WDR25: variants seen among roughly 807,000 people sequenced by gnomAD.
WDR25 encodes the protein WD repeat domain 25, also known as WD repeat-containing protein 25.
A neutral mutation model predicts 47.7 loss-of-function variants in WDR25; 35 were observed. That is an observed-to-expected ratio of 0.73 (90% CI 0.56 to 0.97). WDR25 has a LOEUF of 0.97. WDR25 is among the 50% of genes least tolerant of loss of function. The pLI is 0.00. For synonymous variants in WDR25, 248 were observed against 278.9 expected (o/e 0.89, Z 1.10); for missense variants, 634 against 704.7 (o/e 0.90, Z 1.14).
At chr14:100,391,756 T>C (rs892303790) in intron 2 of WDR25, among the ~76,000 whole-genome samples, 13 of 152,232 alleles carry the variant, frequency 8.5e-5, no homozygotes, top group African/African-American at 3.1e-4. Context: ...TGCTGTAATT[T>C]ATTGCTTTGG....
At chr14:100,400,209 T>C (rs1897344416) in intron 2 of WDR25, among the ~76,000 whole-genome samples, 2 of 152,264 alleles carry the variant, frequency 1.3e-5, no homozygotes, top group African/African-American at 4.8e-5. Flanking sequence ...ATGTGTGTCC[T>C]GTACCGCAGT....
rs114002287 is a variant in WDR25, at chr14:100,418,703, A to G, written c.822+36957A>G. ...GTGCAGCCTGCCAGTCTCAGCCACA[A>G]CGGTCAGGGTCTATGCTAAGGTGAG... On this transcript the variant is annotated intron_variant, in intron 2 of 6. Transcript: ENST00000402312. Among the ~76,000 whole-genome samples, 960 of 151,646 alleles carry G rather than the reference A, an allele frequency of 6.3e-3. 12 individuals are homozygous for G. Among genetic ancestry groups the G allele is most frequent in the African/African-American group, 0.022 (913 of 41,376 alleles).
At chr14:100,519,266 GGAGAGA>G (rs139840480) in intron 4 of WDR25, among the ~76,000 whole-genome samples, 83 of 147,734 alleles carry the variant, frequency 5.6e-4, no homozygotes, top group African/African-American at 1.9e-3. Context: ...TTTATAGGGG[GGAGAGA>G]GAGAGAGAGA....
At chr14:100,469,704 C>G (rs1899764536) in intron 3 of WDR25, among the ~76,000 whole-genome samples, 1 of 152,354 alleles carries the variant, frequency 6.6e-6, no homozygotes, top group African/African-American at 2.4e-5. Context: ...GCACTTACTA[C>G]TGAGCACTGT....
At chr14:100,452,443 A>G (rs1486616330) in intron 2 of WDR25, among the ~76,000 whole-genome samples, 1 of 152,244 alleles carries the variant, frequency 6.6e-6, no homozygotes, top group Non-Finnish European at 1.5e-5. Flanking sequence ...AGAGCTGGCT[A>G]AGATGAAGGG....
intron 2 of WDR25, among the ~76,000 whole-genome samples, chr14:100,434,502 ATTTCAG>A (rs1898440045): frequency 6.6e-6 from 1 of 152,190 alleles, no homozygotes; most frequent in African/African-American, 2.4e-5. Context: ...TATAGTCCAC[ATTTCAG>A]GTGTTTCTTG....
intron 4 of WDR25, among the ~76,000 whole-genome samples, chr14:100,522,934 A>T (rs186379052): frequency 1.7e-3 from 265 of 152,250 alleles, no homozygotes; most frequent in African/African-American, 5.9e-3. Context: ...AAGGTCTTGG[A>T]GCAGCTTTCC....
chr14:100,471,151 G>A (rs1342661428), intron 3 of WDR25, among the ~76,000 whole-genome samples: 2 of 152,144 alleles, frequency 1.3e-5, no homozygotes, highest in Admixed American at 1.3e-4. Context: ...GCTGCTGAGG[G>A]TGGTTGGTTT....
chr14:100,488,153 T>C lies in WDR25; in HGVS notation c.1101+4029T>C, dbSNP rs1033663918. The stretch of plus-strand genomic sequence containing the variant: ...TTGGGTGATCTCTCCGCCTCGGGTT[T>C]GATGTTTGTAGCACATCTCATTAGT... On this transcript the variant is annotated intron_variant, in intron 4 of 6. Transcript: ENST00000402312. The surrounding 1 kb of genome is among the most constrained non-coding windows in gnomAD (Gnocchi z 4.2). Among the ~76,000 whole-genome samples, 2 of 152,216 alleles carry C rather than the reference T, an allele frequency of 1.3e-5. No individual in the cohort carries two copies. The highest frequency in any genetic ancestry group is 6.5e-5 in the Admixed American group (1 of 15,288).
rs1803426663 is a variant in WDR25 at position 100,392,651 on chromosome 14, G to C, written c.822+10905G>C. ...TCTTTCCATTTAACATTCTCTCCCA[G>C]CCCTGCCCGCGCCACACTGTGCCAC... On this transcript the variant is annotated intron_variant, in intron 2 of 6. Transcript: ENST00000402312. This position sits in a 1 kb window ranked among gnomAD's most constrained non-coding sequence, Gnocchi z 4.2. Among the ~76,000 whole-genome samples the C allele has an allele frequency of 6.6e-6, 1 of 152,016 alleles. No individual in the cohort carries two copies. Among genetic ancestry groups the C allele is most frequent in the African/African-American group, 2.4e-5 (1 of 41,366 alleles).
chr14:100,384,417 T>C (rs1308368358), intron 2 of WDR25, among the ~76,000 whole-genome samples: 1 of 152,090 alleles, frequency 6.6e-6, no homozygotes, highest in African/African-American at 2.4e-5. Context: ...GGAAGACAGA[T>C]TGGGAACCGG....
intron 3 of WDR25, among the ~76,000 whole-genome samples, chr14:100,478,636 A>T (rs145613309): frequency 7.9e-4 from 121 of 152,364 alleles, no homozygotes; most frequent in African/African-American, 2.8e-3. Context: ...AAAAATGTAT[A>T]AACTACAGCT....
rs550853091 is a variant in WDR25, at chr14:100,426,012, C to T, written c.823-42009C>T. ...GAGTGCAGGGTTATTCTCCGCACGC[C>T]GTCATCGTGAATATGCATTCCACAG... On this transcript the variant is annotated intron_variant, in intron 2 of 6. Coordinates refer to ENST00000402312, the MANE Select transcript of WDR25 (RefSeq NM_001161476.3). 2.4e-4 allele frequency among the ~76,000 whole-genome samples: 36 copies of T among 152,284 alleles called. No individual in the cohort carries two copies. In the South Asian group the frequency reaches 7.1e-3, roughly 30 times the overall value.
At chr14:100,467,044 T>C (rs1899654402) in intron 2 of WDR25, among the ~76,000 whole-genome samples, 1 of 152,228 alleles carries the variant, frequency 6.6e-6, no homozygotes. Flanking sequence ...TCAGAAGTCA[T>C]TGAGTGTAAC....
chr14:100,513,703 C>CT (rs1374693073), intron 4 of WDR25, among the ~76,000 whole-genome samples: 2 of 130,892 alleles, frequency 1.5e-5, no homozygotes, highest in African/African-American at 2.9e-5. Context: ...TTTTTTTTTT[C>CT]TTTTTTTTGA....
At chr14:100,482,586 T>G (rs1900241120) in intron 3 of WDR25, among the ~76,000 whole-genome samples, 1 of 152,148 alleles carries the variant, frequency 6.6e-6, no homozygotes. Context: ...CTAGGCAGAT[T>G]GGGTCTGTGA....
intron 4 of WDR25, among the ~76,000 whole-genome samples, chr14:100,508,298 CA>C (rs1901184460): frequency 6.6e-6 from 1 of 152,164 alleles, no homozygotes; most frequent in African/African-American, 2.4e-5. Flanking sequence ...CTGTCTATGA[CA>C]AACCCACAGC....
intron 4 of WDR25, among the ~76,000 whole-genome samples, chr14:100,520,346 A>G (rs190017569): frequency 6.6e-6 from 1 of 152,064 alleles, no homozygotes; most frequent in Admixed American, 6.6e-5. Flanking sequence ...TTTTATGCTA[A>G]CATTTTTAAA....
chr14:100,525,852 C>A lies in WDR25; in HGVS notation c.1102-18C>A. 1 of 1,611,310 alleles carries A rather than the reference C, an allele frequency of 6.2e-7. No individual in the cohort carries two copies. The highest frequency in any genetic ancestry group is 8.5e-7 in the Non-Finnish European group (1 of 1,178,048). On this transcript the variant is annotated intron_variant, in intron 4 of 6. Coordinates refer to ENST00000402312, the MANE Select transcript of WDR25 (RefSeq NM_001161476.3). The surrounding 1 kb of genome is among the most constrained non-coding windows in gnomAD (Gnocchi z 4.6). Reference sequence around the variant, plus strand: ...GTGCTGCCAGGCCTGCCAGCATGACCGGTGTCCGCTCTTGCAGGTGATGAG... The same window carrying A: ...GTGCTGCCAGGCCTGCCAGCATGACAGGTGTCCGCTCTTGCAGGTGATGAG...
Sources: allele counts gnomAD v4.1 joint callset (sites outside exome capture counted in the v4.1 genomes callset), GRCh38; gene constraint gnomAD v4.1.1; non-coding constraint Gnocchi (gnomAD v3.1); transcripts MANE v1.5; gene names NCBI Gene and HGNC (gene_info 2026-07-23, HGNC 2026-07-21).